FAM117B: variants seen among roughly 807,000 people sequenced by gnomAD.
FAM117B encodes family with sequence similarity 117 member B, also known as protein FAM117B.
Under a neutral mutation model 52.8 loss-of-function variants are expected in FAM117B, and 22 were observed. The observed-to-expected ratio is 0.42, with a 90% confidence interval of 0.30 to 0.59. FAM117B has a LOEUF of 0.59. Ranked by LOEUF, FAM117B falls within the 20% of genes least tolerant of loss-of-function variation. The pLI is 0.22. For synonymous variants in FAM117B, 309 were observed against 324.1 expected (o/e 0.95, Z 0.50); for missense variants, 678 against 802.6 (o/e 0.84, Z 1.88).
rs531810299 is a variant in FAM117B at position 202,765,723 on chromosome 2, C to G, written c.1729C>G (p.Leu577Val). The G allele has an allele frequency of 1.2e-5, 20 of 1,614,154 alleles. No homozygotes were observed. The South Asian group carries it at 2.0e-4, about 16-fold the overall frequency. ...GTSTVMPSAS[L>V]LPPPEPIEEA... ...AAGTACAGTCATGCCATCAGCTTCT[C>G]TACTCCCACCACCAGAACCAATTGA... is the stretch of plus-strand genomic sequence containing the variant. Residue 577 changes from leucine to valine, a missense_variant, in exon 8 of 8, where the codon CTA (leucine) becomes GTA (valine). Physicochemically the swap from Leu to Val is conservative, Grantham distance 32. Transcript: ENST00000392238.
At chr2:202,673,750 C>T (rs1047173710) in intron 1 of FAM117B, among the ~76,000 whole-genome samples, 7 of 151,952 alleles carry the variant, frequency 4.6e-5, no homozygotes, top group Non-Finnish European at 1.5e-5. Flanking sequence ...GCCCGGCCTA[C>T]CCTATTTCTT....
rs1219743876 is a variant in FAM117B, at chr2:202,644,053, G to GTTTTTTTTTTTTTTT, written c.601+8275_601+8276insTTTTTTTTTTTTTTT. On this transcript the variant is annotated intron_variant, in intron 1 of 7. Transcript: ENST00000392238. ...ATGCTATACTACTGCTTTAGGAGCT[G>GTTTTTTTTTTTTTTT]TTTTTTTTTTGTTTTTTTTTTTTTT... is the stretch of plus-strand genomic sequence containing the variant. 2.7e-4 allele frequency among the ~76,000 whole-genome samples: 16 copies of GTTTTTTTTTTTTTTT among 60,156 alleles called. 1 individual carries two copies. The highest frequency in any genetic ancestry group is 9.5e-4 in the African/African-American group (12 of 12,570). 39.5% of individuals were successfully genotyped at this position (60,156 alleles called of 152,430 possible).
At chr2:202,675,032 C>T (rs556216548) in intron 1 of FAM117B, among the ~76,000 whole-genome samples, 5 of 151,658 alleles carry the variant, frequency 3.3e-5, no homozygotes, top group Admixed American at 2.0e-4. Flanking sequence ...ACCAGGAGTT[C>T]AACACCAGCC....
chr2:202,691,760 A>ATT (rs1026011737), intron 1 of FAM117B, among the ~76,000 whole-genome samples: 1 of 149,104 alleles, frequency 6.7e-6, no homozygotes, highest in Admixed American at 6.7e-5. Flanking sequence ...CCCGAAAGGG[A>ATT]TTTTTTTTTA....
At chr2:202,716,405 TACTC>T (rs1471069390) in intron 2 of FAM117B, among the ~76,000 whole-genome samples, 1 of 152,212 alleles carries the variant, frequency 6.6e-6, no homozygotes, top group Non-Finnish European at 1.5e-5. Flanking sequence ...AGTGAAGACT[TACTC>T]CTGCCATTTT....
intron 4 of FAM117B, among the ~76,000 whole-genome samples, chr2:202,728,353 A>T (rs1351800242): frequency 6.6e-6 from 1 of 152,218 alleles, no homozygotes. Flanking sequence ...AATTAAAAAC[A>T]TGGTTATACA....
rs149346231 is a variant in FAM117B at position 202,664,758 on chromosome 2, G to A, written c.601+28970G>A. ...GAACACGTGCCTCATTTGCCTTACC[G>A]TAGTAGTTTTGGCCTCGCTTATAAG... On this transcript the variant is annotated intron_variant, in intron 1 of 7. Coordinates refer to ENST00000392238, the MANE Select transcript of FAM117B (RefSeq NM_173511.4). Among the ~76,000 whole-genome samples, 33 of 152,062 alleles carry A rather than the reference G, an allele frequency of 2.2e-4. 1 individual carries two copies. The highest frequency in any genetic ancestry group is 1.5e-3 in the South Asian group (7 of 4,808).
chr2:202,753,566 A>C (rs1333123943), intron 4 of FAM117B, among the ~76,000 whole-genome samples: 1 of 152,212 alleles, frequency 6.6e-6, no homozygotes, highest in South Asian at 2.1e-4. Flanking sequence ...CTATCATCAG[A>C]GTGAACAGGC....
chr2:202,685,073 C>G (rs1402094963), intron 1 of FAM117B, among the ~76,000 whole-genome samples: 2 of 152,022 alleles, frequency 1.3e-5, no homozygotes, highest in African/African-American at 4.8e-5. Context: ...ACCTCTGCCT[C>G]CTGGGTTCAA....
chr2:202,680,236 A>C (rs188015232), intron 1 of FAM117B, among the ~76,000 whole-genome samples: 17 of 152,204 alleles, frequency 1.1e-4, no homozygotes, highest in African/African-American at 4.1e-4. Flanking sequence ...TTGTACTCTC[A>C]GAAGAAGAAG....
chr2:202,731,652 G>A (rs765626481), intron 4 of FAM117B, among the ~76,000 whole-genome samples: 5 of 151,838 alleles, frequency 3.3e-5, no homozygotes, highest in South Asian at 2.1e-4. Context: ...GGCTGGTCTC[G>A]TACTCCTGAC....
At chr2:202,707,950 G>T (rs1419583177) in intron 2 of FAM117B, among the ~76,000 whole-genome samples, 1 of 151,668 alleles carries the variant, frequency 6.6e-6, no homozygotes, top group African/African-American at 2.4e-5. Context: ...TGTATTTTTG[G>T]TAGAGATGGG....
At chr2:202,654,227 A>C (rs925720509) in intron 1 of FAM117B, among the ~76,000 whole-genome samples, 1 of 151,856 alleles carries the variant, frequency 6.6e-6, no homozygotes, top group South Asian at 2.1e-4. Context: ...AAGAACACTT[A>C]CTGAGATATA....
chr2:202,659,865 C>T (rs1263657282), intron 1 of FAM117B, among the ~76,000 whole-genome samples: 7 of 151,506 alleles, frequency 4.6e-5, no homozygotes, highest in South Asian at 2.1e-4. Flanking sequence ...GTGATCCACC[C>T]GCATCGGCCT....
At chr2:202,741,414 C>T (rs1316390131) in intron 4 of FAM117B, among the ~76,000 whole-genome samples, 2 of 27,350 alleles carry the variant, frequency 7.3e-5, no homozygotes, top group African/African-American at 1.7e-4. Flanking sequence ...AAGACTCTGT[C>T]TCAAAAAAAA....
At chr2:202,682,700 A>G (rs182013084) in intron 1 of FAM117B, among the ~76,000 whole-genome samples, 338 of 152,354 alleles carry the variant, frequency 2.2e-3, no homozygotes, top group Admixed American at 6.5e-3. Context: ...GAAATATAGA[A>G]TATGTTCACT....
rs77504424 is a variant in FAM117B, at chr2:202,670,634, A to G, written c.602-25247A>G. On this transcript the variant is annotated intron_variant, in intron 1 of 7. Transcript: ENST00000392238. ...TGTCTACATAGCAGGGAACAGGGCC[A>G]CAGACCATTCAAGACTCATATTTCC... Among the ~76,000 whole-genome samples, 1,358 of 152,308 alleles carry G rather than the reference A, an allele frequency of 8.9e-3. 22 individuals are homozygous for G. Among genetic ancestry groups the G allele is most frequent in the African/African-American group, 0.03 (1,263 of 41,568 alleles).
chr2:202,687,815 G>A (rs1011619976), intron 1 of FAM117B, among the ~76,000 whole-genome samples: 1 of 152,090 alleles, frequency 6.6e-6, no homozygotes, highest in African/African-American at 2.4e-5. Flanking sequence ...TTGATACTAT[G>A]CCTATGGGAA....
intron 4 of FAM117B, among the ~76,000 whole-genome samples, chr2:202,747,681 A>C (rs2165034): frequency 0.76 from 114,890 of 151,882 alleles, 44,278 homozygotes; most frequent in East Asian, 0.83. Context: ...AAAAAGAAAT[A>C]AAGAAAGCAA....
Sources: gnomAD v4.1 joint callset for allele counts (sites outside exome capture counted in the v4.1 genomes callset) on GRCh38, gnomAD v4.1.1 for gene constraint, MANE v1.5 for transcripts, NCBI Gene and HGNC (gene_info 2026-07-23, HGNC 2026-07-21) for gene names.